Variants in GFRA1 observed in about 807,000 individuals in gnomAD.
GFRA1 encodes GDNF family receptor alpha-1.
In GFRA1, 16 loss-of-function variants were observed where a neutral mutation model predicts 51.6. The ratio of observed to expected loss-of-function variants is 0.31; its 90% CI spans 0.21 to 0.47. The LOEUF (loss-of-function observed/expected upper bound fraction) is 0.47. Among genes scored for constraint, GFRA1 ranks in the 20% least tolerant of loss-of-function variants. The pLI is 1.00. For synonymous variants in GFRA1, 270 were observed against 241.3 expected (o/e 1.12, Z -1.10); for missense variants, 530 against 594.3 (o/e 0.89, Z 1.13).
intron 5 of GFRA1, among the ~76,000 whole-genome samples, chr10:116,178,322 A>G (rs1349044808): frequency 6.7e-6 from 1 of 148,480 alleles, no homozygotes; most frequent in African/African-American, 2.5e-5. Flanking sequence ...TACTCCCCTC[A>G]AACTCCTACA....
rs1412343367 is a variant in GFRA1, at chr10:116,064,336, C to T, written c.*62G>A. The T allele has an allele frequency of 8.3e-6, 12 of 1,439,390 alleles. No homozygotes were observed. The highest frequency in any genetic ancestry group is 1.2e-5 in the Non-Finnish European group (12 of 1,029,794). 89.2% of individuals were successfully genotyped at this position (1,439,390 alleles called of 1,614,324 possible). Reference sequence around the variant, plus strand: ...CTGGAATTTCAGCTATACAAGAGAACAGGAAACAGATAACTTGGTTTTTGT... The same window carrying T: ...CTGGAATTTCAGCTATACAAGAGAATAGGAAACAGATAACTTGGTTTTTGT... On this transcript the variant is annotated 3_prime_UTR_variant, in exon 11 of 11. Transcript: ENST00000355422.
chr10:116,210,379 GA>G (rs1267793305), intron 5 of GFRA1, among the ~76,000 whole-genome samples: 1 of 152,024 alleles, frequency 6.6e-6, no homozygotes, highest in East Asian at 1.9e-4. Context: ...AAAAAAAAAT[GA>G]TCTGCCTAGA....
intron 5 of GFRA1, among the ~76,000 whole-genome samples, chr10:116,157,832 T>A (rs1485450523): frequency 1.3e-5 from 2 of 152,196 alleles, no homozygotes; most frequent in Non-Finnish European, 2.9e-5. Context: ...AATAAAGGAA[T>A]GAACGAATGG....
chr10:116,086,949 C>T (rs906179937), intron 9 of GFRA1, among the ~76,000 whole-genome samples: 1 of 152,212 alleles, frequency 6.6e-6, no homozygotes, highest in Admixed American at 6.5e-5. Context: ...TCCCAAGTAG[C>T]TGGGATTACA....
intron 4 of GFRA1, among the ~76,000 whole-genome samples, chr10:116,250,773 C>G (rs1197036597): frequency 6.6e-6 from 1 of 152,228 alleles, no homozygotes; most frequent in Non-Finnish European, 1.5e-5. Flanking sequence ...CTCAGGACCC[C>G]TGGCCATAGC....
chr10:116,238,968 C>T (rs1334159326), intron 4 of GFRA1, among the ~76,000 whole-genome samples: 2 of 152,112 alleles, frequency 1.3e-5, no homozygotes, highest in East Asian at 3.9e-4. Context: ...TGGGTTCACA[C>T]TGAAATACGT....
chr10:116,243,028 G>A (rs1967531579), intron 4 of GFRA1, among the ~76,000 whole-genome samples: 1 of 152,034 alleles, frequency 6.6e-6, no homozygotes, highest in South Asian at 2.1e-4. Flanking sequence ...CTTCACTTTT[G>A]AATGATCTAC....
At chr10:116,231,133 G>A (rs1252840589) in intron 4 of GFRA1, among the ~76,000 whole-genome samples, 2 of 152,220 alleles carry the variant, frequency 1.3e-5, no homozygotes, top group African/African-American at 4.8e-5. Flanking sequence ...GAAGTGAAAT[G>A]TTCACAGCTG....
intron 4 of GFRA1, among the ~76,000 whole-genome samples, chr10:116,227,303 T>C (rs1427224608): frequency 1.3e-5 from 2 of 152,214 alleles, no homozygotes; most frequent in Admixed American, 6.5e-5. Flanking sequence ...GTTGCTTCTG[T>C]AGCCAGCCAA....
chr10:116,228,917 G>T (rs570033616), intron 4 of GFRA1, among the ~76,000 whole-genome samples: 19 of 137,972 alleles, frequency 1.4e-4, no homozygotes, highest in Non-Finnish European at 2.9e-4. Context: ...GGAGATGCAG[G>T]TTGCAGTGAG....
At chr10:116,230,188 A>AG (rs577459312) in intron 4 of GFRA1, among the ~76,000 whole-genome samples, 42 of 152,328 alleles carry the variant, frequency 2.8e-4, no homozygotes, top group African/African-American at 1.0e-3. Context: ...ATCTGTCCAA[A>AG]GTATGGTTCC....
chr10:116,088,170 C>T (rs184895833), intron 9 of GFRA1, among the ~76,000 whole-genome samples: 5 of 152,080 alleles, frequency 3.3e-5, no homozygotes, highest in East Asian at 3.9e-4. Flanking sequence ...AGAGGGGTCT[C>T]GAGATACCAA....
At chr10:116,072,676 G>A (rs1162593568) in intron 9 of GFRA1, among the ~76,000 whole-genome samples, 1 of 152,138 alleles carries the variant, frequency 6.6e-6, no homozygotes, top group Non-Finnish European at 1.5e-5. Context: ...CAGGAGAATT[G>A]CTTGAACCCG....
At chr10:116,167,700 C>T (rs1237889297) in intron 5 of GFRA1, among the ~76,000 whole-genome samples, 1 of 152,090 alleles carries the variant, frequency 6.6e-6, no homozygotes, top group Non-Finnish European at 1.5e-5. Context: ...GGTCCCCGGG[C>T]TCCAACCTTA....
rs933849674 is a variant in GFRA1, at chr10:116,239,038, T to C, written c.419-27393A>G. On this transcript the variant is annotated intron_variant, in intron 4 of 10. Coordinates refer to ENST00000355422, the MANE Select transcript of GFRA1 (RefSeq NM_005264.8). Reference sequence around the variant, plus strand: ...CATGTCCAGCTATATTGGAAGCAAATAGGAACATGCATTTTTCCCAAGGTG... The same window carrying C: ...CATGTCCAGCTATATTGGAAGCAAACAGGAACATGCATTTTTCCCAAGGTG... 4.6e-5 allele frequency among the ~76,000 whole-genome samples: 7 copies of C among 152,266 alleles called. No individual in the cohort carries two copies. In the South Asian group the frequency reaches 6.2e-4, roughly 14 times the overall value.
chr10:116,155,636 A>G (rs1959185258), intron 5 of GFRA1, among the ~76,000 whole-genome samples: 1 of 152,198 alleles, frequency 6.6e-6, no homozygotes, highest in Admixed American at 6.5e-5. Flanking sequence ...GGTTCAGCAA[A>G]ATATGGTAAC....
At chr10:116,238,180 G>C (rs1382892150) in intron 4 of GFRA1, among the ~76,000 whole-genome samples, 3 of 152,154 alleles carry the variant, frequency 2.0e-5, no homozygotes, top group Non-Finnish European at 4.4e-5. Context: ...TTTCTTCACA[G>C]GCTCTTTTGT....
intron 4 of GFRA1, among the ~76,000 whole-genome samples, chr10:116,235,478 C>A (rs964335479): frequency 1.9e-4 from 29 of 152,118 alleles, no homozygotes; most frequent in African/African-American, 6.8e-4. Flanking sequence ...ACCAAGAAAT[C>A]ACCCATCATC....
intron 6 of GFRA1, among the ~76,000 whole-genome samples, chr10:116,109,346 G>A (rs1227820574): frequency 6.6e-6 from 1 of 152,188 alleles, no homozygotes. Flanking sequence ...TGCTGCAGAA[G>A]CCCAAATCTG....
Sources: gnomAD v4.1 joint callset for allele counts (sites outside exome capture counted in the v4.1 genomes callset) on GRCh38, gnomAD v4.1.1 for gene constraint, MANE v1.5 for transcripts, NCBI Gene and HGNC (gene_info 2026-07-23, HGNC 2026-07-21) for gene names.